Variants in AADACL2 observed in about 807,000 individuals in gnomAD.
AADACL2 encodes arylacetamide deacetylase like 2.
Under a neutral mutation model 22.3 loss-of-function variants are expected in AADACL2, and 23 were observed. That is an observed-to-expected ratio of 1.03 (90% CI 0.74 to 1.46). The LOEUF (loss-of-function observed/expected upper bound fraction) is 1.46. Among genes scored for constraint, AADACL2 ranks in the 40% most tolerant of loss-of-function variants. The pLI, the probability that AADACL2 is intolerant of heterozygous loss-of-function variation, is 0.00. For synonymous variants in AADACL2, 177 were observed against 166.2 expected (o/e 1.07, Z -0.50); for missense variants, 472 against 482.9 (o/e 0.98, Z 0.21).
Position 151,760,609 on chromosome 3 carries a change from T to A in AADACL2, c.*3015T>A, listed in dbSNP as rs1439323416. The A allele has an allele frequency of 6.6e-6, 1 of 152,232 alleles. No homozygotes were observed. The highest frequency in any genetic ancestry group is 1.5e-5 in the Non-Finnish European group (1 of 68,002). 9.4% of individuals were successfully genotyped at this position (152,232 alleles called of 1,614,324 possible). On this transcript the variant is annotated 3_prime_UTR_variant, in exon 5 of 5. Transcript: ENST00000356517. Reference sequence around the variant, plus strand: ...CACATATATCTAACATGTAAAGAAGTAACAATTTCCAAAATACCTCCAAAC... The same window carrying A: ...CACATATATCTAACATGTAAAGAAGAAACAATTTCCAAAATACCTCCAAAC...
intron 1 of AADACL2, among the ~76,000 whole-genome samples, chr3:151,737,232 A>G (rs1713116318): frequency 2.6e-5 from 4 of 152,192 alleles, no homozygotes; most frequent in Admixed American, 1.3e-4. Flanking sequence ...GTAGTCATTC[A>G]GGAGCAAGTT....
chr3:151,756,968 C>G, intron 4 of AADACL2, 24 bp from the exon 5 acceptor site: 1 of 1,532,796 alleles, frequency 6.5e-7, no homozygotes, highest in South Asian at 1.3e-5. Flanking sequence ...GTTTGCATTA[C>G]AGAATATTAC....
chr3:151,736,792 C>G (rs1713103596), intron 1 of AADACL2, among the ~76,000 whole-genome samples: 1 of 152,130 alleles, frequency 6.6e-6, no homozygotes, highest in African/African-American at 2.4e-5. Flanking sequence ...CATATGTATG[C>G]ATGTGTCATT....
chr3:151,734,044 A>G lies in AADACL2; in HGVS notation c.9A>G (p.Leu3=), dbSNP rs1713009002. The G allele has an allele frequency of 6.2e-7, 1 of 1,610,644 alleles. No homozygotes were observed. The highest frequency in any genetic ancestry group is 8.5e-7 in the Non-Finnish European group (1 of 1,178,136). MG[L]KALCLGLLCV... ...CTGGAAAAAGGGATATTATGGGGCT[A>G]AAAGCTCTCTGTTTGGGGCTGCTTT... Residue 3 remains leucine (L), a synonymous_variant, in exon 1 of 5, where the codon CTA becomes CTG. Coordinates refer to ENST00000356517, the MANE Select transcript of AADACL2 (RefSeq NM_207365.4).
intron 4 of AADACL2, among the ~76,000 whole-genome samples, chr3:151,749,220 T>C (rs1713570466): frequency 6.6e-6 from 1 of 152,166 alleles, no homozygotes; most frequent in African/African-American, 2.4e-5. Context: ...TAATATTTTA[T>C]AGCTTTCTGT....
In AADACL2 at chr3:151,745,554, T is replaced by C. The variant is rs779746188; in HGVS notation, c.477T>C (p.Asp159=). ...ACCACTTTCCTGCTCAGTTTGAAGATGGCCTTGCTGCAGTCAAATTTTTTC... is the reference window on the plus strand; with the variant it reads ...ACCACTTTCCTGCTCAGTTTGAAGACGGCCTTGCTGCAGTCAAATTTTTTC... ...PQHHFPAQFE[D]GLAAVKFFLL... is the part of the protein sequence containing the mutation. The change falls in exon 4 of 5, where the codon GAT becomes GAC. Residue 159 remains aspartate (D), a synonymous_variant. Coordinates refer to ENST00000356517, the MANE Select transcript of AADACL2 (RefSeq NM_207365.4). The C allele has an allele frequency of 6.8e-6, 11 of 1,613,956 alleles. No homozygotes were observed. Among genetic ancestry groups the C allele is most frequent in the Middle Eastern group, 1.6e-4 (1 of 6,062 alleles).
At chr3:151,753,174 T>A (rs4679933) in intron 4 of AADACL2, among the ~76,000 whole-genome samples, 61,796 of 151,996 alleles carry the variant, frequency 0.41, 13,011 homozygotes, top group East Asian at 0.51. Flanking sequence ...GTGTAATCAC[T>A]GCATATCAGT....
chr3:151,757,096 G>T lies in AADACL2; in HGVS notation c.708G>T (p.Glu236Asp), dbSNP rs754104886. The change falls in exon 5 of 5, where the codon GAG (glutamate) becomes GAT (aspartate). Residue 236 changes from glutamate (E) to aspartate (D), a missense_variant. Glu to Asp is a conservative substitution (Grantham distance 45). This residue lies in a region of AADACL2 where 356 missense variants were observed against 365.5 expected (regional missense o/e 0.97). Coordinates refer to ENST00000356517, the MANE Select transcript of AADACL2 (RefSeq NM_207365.4). ...DSYLPSHREN[E>D]HGIVLTRDVA... ...ATTTGCCATCTCACCGAGAAAATGA[G>T]CATGGTATAGTTTTGACCAGGGATG... The T allele has an allele frequency of 6.2e-7, 1 of 1,613,178 alleles. No homozygotes were observed. The highest frequency in any genetic ancestry group is 1.1e-5 in the South Asian group (1 of 91,008).
intron 4 of AADACL2, among the ~76,000 whole-genome samples, chr3:151,756,328 C>T (rs1422786681): frequency 6.8e-6 from 1 of 146,322 alleles, no homozygotes; most frequent in Non-Finnish European, 1.5e-5. Flanking sequence ...TTGTGCACAT[C>T]GATTTTTTCA....
At chr3:151,756,215 T>C (rs546608086) in intron 4 of AADACL2, among the ~76,000 whole-genome samples, 2 of 152,280 alleles carry the variant, frequency 1.3e-5, no homozygotes, top group South Asian at 4.1e-4. Context: ...CGTTATCTCC[T>C]GCAGTCTGCA....
chr3:151,755,785 T>C (rs1329597784), intron 4 of AADACL2, among the ~76,000 whole-genome samples: 1 of 152,122 alleles, frequency 6.6e-6, no homozygotes, highest in Non-Finnish European at 1.5e-5. Flanking sequence ...TGTTTATGTG[T>C]TCTCTGTTTG....
chr3:151,743,431 G>A (rs1001888022), intron 2 of AADACL2, among the ~76,000 whole-genome samples: 6 of 152,174 alleles, frequency 3.9e-5, no homozygotes, highest in African/African-American at 7.2e-5. Flanking sequence ...AGATGTGTGT[G>A]TGTGTGTTAT....
chr3:151,754,790 T>C (rs1308459241), intron 4 of AADACL2, among the ~76,000 whole-genome samples: 1 of 152,134 alleles, frequency 6.6e-6, no homozygotes, highest in Non-Finnish European at 1.5e-5. Flanking sequence ...ACCTTTTACT[T>C]TTTCATTCTT....
rs149591312 is a variant in AADACL2, at chr3:151,734,770, T to C, written c.138+597T>C. On this transcript the variant is annotated intron_variant, in intron 1 of 4. Transcript: ENST00000356517. ...TAAGTTGTATAGGCTTTGTATAATATGTACTTCCATTGATTCCCCGCTATC... is the reference window on the plus strand; with the variant it reads ...TAAGTTGTATAGGCTTTGTATAATACGTACTTCCATTGATTCCCCGCTATC... 4.7e-4 allele frequency among the ~76,000 whole-genome samples: 72 copies of C among 152,344 alleles called. No homozygotes were observed. The East Asian group carries it at 0.012, about 25-fold the overall frequency.
At chr3:151,756,126 T>C (rs1713894525) in intron 4 of AADACL2, among the ~76,000 whole-genome samples, 1 of 152,112 alleles carries the variant, frequency 6.6e-6, no homozygotes, top group Admixed American at 6.6e-5. Context: ...AGCTTTTCAC[T>C]TGTAGCAGCA....
At chr3:151,747,115 G>A (rs1456118758) in intron 4 of AADACL2, among the ~76,000 whole-genome samples, 2 of 151,836 alleles carry the variant, frequency 1.3e-5, no homozygotes, top group African/African-American at 4.8e-5. Flanking sequence ...AGGTACAGTT[G>A]AAAAGGAAAA....
chr3:151,753,775 G>T (rs1222656163), intron 4 of AADACL2, among the ~76,000 whole-genome samples: 1 of 152,044 alleles, frequency 6.6e-6, no homozygotes, highest in Non-Finnish European at 1.5e-5. Context: ...AAGTTGGTGT[G>T]GGCATGCAGG....
intron 1 of AADACL2, among the ~76,000 whole-genome samples, chr3:151,736,605 G>A (rs1290192647): frequency 6.6e-6 from 1 of 152,110 alleles, no homozygotes; most frequent in East Asian, 1.9e-4. Flanking sequence ...TTAGTTTGCT[G>A]AGAATGATGG....
At chr3:151,752,860 CTT>C (rs1225194484) in intron 4 of AADACL2, among the ~76,000 whole-genome samples, 3 of 152,108 alleles carry the variant, frequency 2.0e-5, no homozygotes, top group African/African-American at 4.8e-5. Flanking sequence ...TCTAAATACA[CTT>C]TTGTTTCTAA....
Sources: gnomAD v4.1 joint callset for allele counts (sites outside exome capture counted in the v4.1 genomes callset) on GRCh38, gnomAD v4.1.1 for gene constraint, gnomAD v4.1.1 regional missense constraint, MANE v1.5 for transcripts, NCBI Gene and HGNC (gene_info 2026-07-23, HGNC 2026-07-21) for gene names.